The following CCDC93 variants were observed in gnomAD, a reference collection of about 807,000 sequenced individuals.
CCDC93 encodes the protein coiled-coil domain-containing protein 93.
In CCDC93, 61 loss-of-function variants were observed where a neutral mutation model predicts 108.2. The ratio of observed to expected loss-of-function variants is 0.56; its 90% CI spans 0.46 to 0.70. The LOEUF (loss-of-function observed/expected upper bound fraction) is 0.70. CCDC93 is among the 30% of genes least tolerant of loss of function. CCDC93 has a pLI of 0.00. For missense variants in CCDC93, 685 were observed against 764.2 expected (o/e 0.90, Z 1.22); for synonymous variants, 276 against 260.4 (o/e 1.06, Z -0.58).
intron 13 of CCDC93, chr2:117,951,557 G>A: frequency 1.0e-6 from 1 of 999,416 alleles, no homozygotes; most frequent in Non-Finnish European, 1.2e-6. Context: ...TGGTTTCGGA[G>A]ACGTCTTTGA....
At chr2:117,984,093 G>A (rs892996172) in intron 7 of CCDC93, among the ~76,000 whole-genome samples, 2 of 151,950 alleles carry the variant, frequency 1.3e-5, no homozygotes, top group African/African-American at 4.8e-5. Context: ...TAGTCTCAAA[G>A]AGGAGAATGA....
At chr2:118,010,728 T>C (rs1223523545) in intron 1 of CCDC93, among the ~76,000 whole-genome samples, 2 of 152,222 alleles carry the variant, frequency 1.3e-5, no homozygotes, top group East Asian at 3.8e-4. Flanking sequence ...ATGTCTGGTT[T>C]CACATTCAGA....
rs1433125390 is a variant in CCDC93, at chr2:117,917,175, A to G, written c.*3168T>C. The G allele has an allele frequency of 6.6e-6, 1 of 152,610 alleles. No individual in the cohort carries two copies. Among genetic ancestry groups the G allele is most frequent in the Non-Finnish European group, 1.5e-5 (1 of 68,058 alleles). The allele number at this position is 152,610 out of a possible 1,614,324, so 9.5% of individuals were successfully genotyped here. A position where few individuals can be genotyped will look rare whatever the true frequency, so the allele number is the denominator to read the frequency against. On this transcript the variant is annotated 3_prime_UTR_variant, in exon 24 of 24. Coordinates refer to ENST00000376300, the MANE Select transcript of CCDC93 (RefSeq NM_019044.5). The stretch of plus-strand genomic sequence containing the variant: ...CTACAGAGTGGGCAAACAAGACCAT[A>G]TGAGGCAGCAGAAATATGAGGGCAC...
At chr2:117,998,467 T>C (rs1382229208) in intron 4 of CCDC93, 1 of 152,186 alleles carries the variant, frequency 6.6e-6, no homozygotes, top group Non-Finnish European at 1.5e-5. Flanking sequence ...TAAAGCAAGA[T>C]TGTAGTTATT....
intron 13 of CCDC93, chr2:117,949,812 C>G (rs1224745438): frequency 1.0e-6 from 1 of 985,244 alleles, no homozygotes; most frequent in Non-Finnish European, 1.2e-6. Context: ...AACATCCAGA[C>G]TATTACATTA....
chr2:117,987,981 C>T (rs567067596), intron 6 of CCDC93, among the ~76,000 whole-genome samples: 8 of 152,094 alleles, frequency 5.3e-5, no homozygotes, highest in Admixed American at 2.6e-4. Flanking sequence ...AAAAAACTTG[C>T]TGATGGTGAA....
intron 13 of CCDC93, chr2:117,951,766 CTG>C: frequency 1.2e-6 from 1 of 866,274 alleles, no homozygotes. Context: ...GCAGAGGTGT[CTG>C]TTCAGCAATC....
chr2:117,972,307 G>A (rs758252605), intron 11 of CCDC93, among the ~76,000 whole-genome samples: 2 of 152,162 alleles, frequency 1.3e-5, no homozygotes, highest in Non-Finnish European at 2.9e-5. Flanking sequence ...GTAGAGAATG[G>A]TCCAAGACAG....
At chr2:117,951,903 C>A (rs1237986800) in intron 13 of CCDC93, among the ~76,000 whole-genome samples, 1 of 152,142 alleles carries the variant, frequency 6.6e-6, no homozygotes, top group Non-Finnish European at 1.5e-5. Flanking sequence ...GCCCTTCCCC[C>A]ACTCTGCCTA....
At chr2:117,980,369 T>C (rs145407939) in intron 7 of CCDC93, among the ~76,000 whole-genome samples, 29 of 152,364 alleles carry the variant, frequency 1.9e-4, no homozygotes, top group African/African-American at 7.0e-4. Flanking sequence ...TCCTTTTTTA[T>C]GCCTTTAGTC....
At chr2:117,968,320 G>A (rs72838014) in intron 11 of CCDC93, among the ~76,000 whole-genome samples, 1 of 152,124 alleles carries the variant, frequency 6.6e-6, no homozygotes, top group Non-Finnish European at 1.5e-5. Flanking sequence ...TCAGTTTTCT[G>A]TAAATCAGAG....
intron 15 of CCDC93, 74 bp downstream of exon 15, chr2:117,948,031 A>G (rs1054165114): frequency 8.1e-7 from 1 of 1,227,794 alleles, no homozygotes; most frequent in African/African-American, 1.5e-5. Context: ...AGGATGCCAC[A>G]ACAGGACAAC....
In CCDC93 at chr2:118,008,539, C is replaced by G. The variant is rs1676938192; in HGVS notation, c.156+6G>C. ...TAGTGTAATGGTTAGAAAGATTTCC[C>G]CTTACCTTGTCAAAGGGTGATAAGC... is the stretch of plus-strand genomic sequence containing the variant. On this transcript the variant is annotated splice_donor_region_variant and intron_variant, in intron 2 of 23. Coordinates refer to ENST00000376300, the MANE Select transcript of CCDC93 (RefSeq NM_019044.5). The G allele has an allele frequency of 1.3e-6, 2 of 1,508,886 alleles. No homozygotes were observed. The allele number at this position is 1,508,886 out of a possible 1,614,324, so 93.5% of individuals were successfully genotyped here. A position where few individuals can be genotyped will look rare whatever the true frequency, so the allele number is the denominator to read the frequency against.
chr2:117,928,587 A>G (rs1348557315), intron 23 of CCDC93, among the ~76,000 whole-genome samples: 2 of 152,216 alleles, frequency 1.3e-5, no homozygotes, highest in African/African-American at 4.8e-5. Context: ...TTAGAATGGC[A>G]ATCATTAAAA....
intron 6 of CCDC93, among the ~76,000 whole-genome samples, chr2:117,991,852 T>G (rs905513056): frequency 6.6e-6 from 1 of 152,216 alleles, no homozygotes; most frequent in Non-Finnish European, 1.5e-5. Context: ...TGACAATAAT[T>G]AAAGTTTTGA....
At chr2:118,011,715 A>G (rs1677026204) in intron 1 of CCDC93, among the ~76,000 whole-genome samples, 1 of 152,194 alleles carries the variant, frequency 6.6e-6, no homozygotes, top group Non-Finnish European at 1.5e-5. Context: ...ACACCTATCT[A>G]ATGGACACCC....
At chr2:117,970,751 C>T (rs2104775701) in intron 11 of CCDC93, among the ~76,000 whole-genome samples, 1 of 152,206 alleles carries the variant, frequency 6.6e-6, no homozygotes, top group South Asian at 2.1e-4. Context: ...CATCTTCGAT[C>T]CTCTCAGTGG....
chr2:117,986,976 G>A (rs975112743), intron 6 of CCDC93, among the ~76,000 whole-genome samples: 1 of 143,788 alleles, frequency 7.0e-6, no homozygotes, highest in Non-Finnish European at 1.5e-5. Flanking sequence ...AACTGCTATT[G>A]TACTTAGTTA....
chr2:118,011,419 A>G (rs1334080958), intron 1 of CCDC93, among the ~76,000 whole-genome samples: 1 of 152,160 alleles, frequency 6.6e-6, no homozygotes, highest in African/African-American at 2.4e-5. Flanking sequence ...TTCCTAGTGG[A>G]CATAAAAATT....
Sources: allele counts gnomAD v4.1 joint callset (sites outside exome capture counted in the v4.1 genomes callset), GRCh38; gene constraint gnomAD v4.1.1; transcripts MANE v1.5; gene names NCBI Gene and HGNC (gene_info 2026-07-23, HGNC 2026-07-21).